CEMIP: variants seen among roughly 807,000 people sequenced by gnomAD.
The protein encoded by CEMIP is cell migration inducing hyaluronidase 1, also known as cell migration-inducing and hyaluronan-binding protein.
Under a neutral mutation model 156.9 loss-of-function variants are expected in CEMIP, and 105 were observed. The observed-to-expected ratio is 0.67, with a 90% confidence interval of 0.57 to 0.79. The LOEUF (loss-of-function observed/expected upper bound fraction) is 0.79, where lower values mean the gene tolerates loss of function less well. CEMIP is among the 30% of genes least tolerant of loss of function. CEMIP has a pLI of 0.00. For missense variants in CEMIP, 1,457 were observed against 1,769.4 expected (o/e 0.82, Z 3.17); for synonymous variants, 676 against 668.4 (o/e 1.01, Z -0.17).
At chr15:80,941,726 A>C in intron 25 of CEMIP, 123 bp from the exon 26 acceptor site, 1 of 840,738 alleles carries the variant, frequency 1.2e-6, no homozygotes, top group Non-Finnish European at 2.0e-6. Flanking sequence ...ACATGGTTCC[A>C]TTCTATAAGG....
chr15:80,794,937 G>T (rs967183726), intron 1 of CEMIP, among the ~76,000 whole-genome samples: 5 of 152,138 alleles, frequency 3.3e-5, no homozygotes, highest in African/African-American at 1.2e-4. Context: ...GCCTCTTTTG[G>T]GAAGCAACAT....
chr15:80,948,329 A>G, intron 29 of CEMIP: 1 of 266,546 alleles, frequency 3.8e-6, no homozygotes. Flanking sequence ...TCTTGGTCAA[A>G]TTTCTTCACC....
At chr15:80,791,250 A>G (rs151235250) in intron 1 of CEMIP, among the ~76,000 whole-genome samples, 19 of 152,224 alleles carry the variant, frequency 1.2e-4, no homozygotes, top group African/African-American at 4.1e-4. Context: ...TGTGTGATCA[A>G]TTGGTGGGTG....
chr15:80,781,264 A>T (rs1895786583), intron 1 of CEMIP, among the ~76,000 whole-genome samples: 1 of 152,228 alleles, frequency 6.6e-6, no homozygotes, highest in African/African-American at 2.4e-5. Flanking sequence ...TTAATGATAG[A>T]ATGGAGAAGA....
intron 1 of CEMIP, among the ~76,000 whole-genome samples, chr15:80,812,166 A>G (rs1247802486): frequency 5.9e-5 from 9 of 152,140 alleles, no homozygotes. Context: ...GGCGCATGAC[A>G]CCGGGCTGGC....
intron 14 of CEMIP, among the ~76,000 whole-genome samples, chr15:80,911,275 G>T (rs1233460591): frequency 6.6e-6 from 1 of 152,220 alleles, no homozygotes; most frequent in African/African-American, 2.4e-5. Flanking sequence ...CTCACACAGG[G>T]TGGTGATGGA....
intron 1 of CEMIP, among the ~76,000 whole-genome samples, chr15:80,832,320 C>CTGTGTGTGTGTGTGTGTGTGTG (rs1266715174): frequency 5.5e-5 from 1 of 18,122 alleles, no homozygotes; most frequent in African/African-American, 2.6e-4. Context: ...TTAAAATAAA[C>CTGTGTGTGTGTGTGTGTGTGTG]TCTGTGTGTG....
At chr15:80,935,723 GTTTT>G (rs373495181) in intron 23 of CEMIP, among the ~76,000 whole-genome samples, 1 of 151,812 alleles carries the variant, frequency 6.6e-6, no homozygotes, top group African/African-American at 2.4e-5. Flanking sequence ...AGGACATGGC[GTTTT>G]TTTTGTTTTT....
intron 10 of CEMIP, among the ~76,000 whole-genome samples, chr15:80,893,453 T>C (rs2141854557): frequency 6.6e-6 from 1 of 152,240 alleles, no homozygotes; most frequent in Admixed American, 6.5e-5. Context: ...TTGTTGGATG[T>C]TATACCTGGA....
chr15:80,919,409 G>C (rs1900389350), intron 14 of CEMIP, among the ~76,000 whole-genome samples: 1 of 152,156 alleles, frequency 6.6e-6, no homozygotes, highest in South Asian at 2.1e-4. Context: ...ACGTGGCCCA[G>C]CCCATGGCCT....
At position 80,906,718 on chromosome 15, in the gene CEMIP, G is replaced by A. The variant is rs751583244; in HGVS notation, c.1467G>A (p.Ala489=). ...GEEIDGVDMR[A]EVGLLSRNII... ...AGATAGACGGCGTGGACATGCGGGCGGAGGTTGGGCTTCTGAGCCGGAACA... is the reference window on the plus strand; with the variant it reads ...AGATAGACGGCGTGGACATGCGGGCAGAGGTTGGGCTTCTGAGCCGGAACA... The change falls in exon 13 of 30, where the codon GCG becomes GCA. Residue 489 remains alanine (A), a synonymous_variant. Transcript: ENST00000394685. This position sits in a 1 kb window ranked among gnomAD's most constrained non-coding sequence, Gnocchi z 4.3. 2.8e-5 allele frequency: 45 copies of A among 1,614,084 alleles called. No homozygotes were observed. The Middle Eastern group carries it at 8.2e-4, about 29-fold the overall frequency.
intron 1 of CEMIP, among the ~76,000 whole-genome samples, chr15:80,836,509 C>A (rs1212420981): frequency 1.3e-5 from 2 of 152,252 alleles, no homozygotes; most frequent in African/African-American, 4.8e-5. Flanking sequence ...CTTGGAGACA[C>A]ACATTCCGTA....
chr15:80,791,546 G>C (rs1454798180), intron 1 of CEMIP, among the ~76,000 whole-genome samples: 3 of 152,134 alleles, frequency 2.0e-5, no homozygotes, highest in Admixed American at 6.5e-5. Context: ...GCCAACATGA[G>C]GTTTCTTCCC....
intron 1 of CEMIP, among the ~76,000 whole-genome samples, chr15:80,840,977 G>A (rs1897399137): frequency 6.6e-6 from 1 of 152,182 alleles, no homozygotes; most frequent in South Asian, 2.1e-4. Flanking sequence ...GGAGGACACA[G>A]CTTTTGGAAA....
intron 12 of CEMIP, among the ~76,000 whole-genome samples, chr15:80,900,585 G>GGGTGT (rs1218716074): frequency 1.2e-4 from 9 of 74,932 alleles, no homozygotes; most frequent in African/African-American, 1.7e-4. Context: ...CCCAGGTAGG[G>GGGTGT]GTGTGTGTGT....
In CEMIP at chr15:80,829,990, G is replaced by GTGTGTGTGTGTGTGTGTGTGTGTGTT. The variant is rs112056985; in HGVS notation, c.-175-43536_-175-43535insTGTGTGTGTGTGTTTGTGTGTGTGTG. On this transcript the variant is annotated intron_variant, in intron 1 of 29. Coordinates refer to ENST00000394685, the MANE Select transcript of CEMIP (RefSeq NM_001293298.2). ...GGTGTGTGTGTGTGTGTGTGTGTGTGTGTGTGTGTGTGCGCGCATGTCCTT... is the reference window on the plus strand; with the variant it reads ...GGTGTGTGTGTGTGTGTGTGTGTGTGTGTGTGTGTGTGTGTGTGTGTGTGTTTGTGTGTGTGTGCGCGCATGTCCTT... Among the ~76,000 whole-genome samples the GTGTGTGTGTGTGTGTGTGTGTGTGTT allele has an allele frequency of 3.3e-4, 50 of 149,280 alleles. 1 individual carries two copies. Among genetic ancestry groups the GTGTGTGTGTGTGTGTGTGTGTGTGTT allele is most frequent in the African/African-American group, 1.0e-3 (41 of 40,042 alleles).
At chr15:80,797,694 C>A (rs1404467007) in intron 1 of CEMIP, among the ~76,000 whole-genome samples, 1 of 152,152 alleles carries the variant, frequency 6.6e-6, no homozygotes, top group Non-Finnish European at 1.5e-5. Context: ...CTGGCAATGG[C>A]CTGGATGGAG....
chr15:80,833,909 A>T (rs1897213195), intron 1 of CEMIP, among the ~76,000 whole-genome samples: 1 of 152,078 alleles, frequency 6.6e-6, no homozygotes, highest in South Asian at 2.1e-4. Flanking sequence ...TCCTCAAGTG[A>T]TCTGCCTGCC....
At chr15:80,922,211 G>A (rs1201030228) in intron 17 of CEMIP, 74 bp downstream of exon 17, 45 of 1,586,654 alleles carry the variant, frequency 2.8e-5, no homozygotes, top group South Asian at 1.6e-4. Flanking sequence ...GATTAGAGCC[G>A]GGACAGCCAG....
Sources: allele counts gnomAD v4.1 joint callset (sites outside exome capture counted in the v4.1 genomes callset), GRCh38; gene constraint gnomAD v4.1.1; non-coding constraint Gnocchi (gnomAD v3.1); transcripts MANE v1.5; gene names NCBI Gene and HGNC (gene_info 2026-07-23, HGNC 2026-07-21).